DOCK7: variants seen among roughly 807,000 people sequenced by gnomAD.
DOCK7 encodes dedicator of cytokinesis 7, also known as dedicator of cytokinesis protein 7.
A neutral mutation model predicts 271.0 loss-of-function variants in DOCK7; 138 were observed. That is an observed-to-expected ratio of 0.51 (90% CI 0.44 to 0.59). The LOEUF (loss-of-function observed/expected upper bound fraction) is 0.59. Ranked by LOEUF, DOCK7 falls within the 20% of genes least tolerant of loss-of-function variation. The pLI, the probability that DOCK7 is intolerant of heterozygous loss-of-function variation, is 0.00. For missense variants in DOCK7, 2,066 were observed against 2,592.4 expected, an observed-to-expected ratio of 0.80 and a Z score of 4.41; for synonymous variants, 823 against 876.1, an observed-to-expected ratio of 0.94 and a Z score of 1.07.
chr1:62,604,668 A>C (rs1354100717), intron 14 of DOCK7: 6 of 1,613,182 alleles, frequency 3.7e-6, no homozygotes, highest in Non-Finnish European at 5.1e-6. Flanking sequence ...TGGAGAAAAC[A>C]ACCTAAATGG....
At chr1:62,567,038 CAGAA>C (rs936388391) in intron 18 of DOCK7, among the ~76,000 whole-genome samples, 5 of 152,234 alleles carry the variant, frequency 3.3e-5, no homozygotes, top group South Asian at 2.1e-4. Flanking sequence ...ATTAAAAAGT[CAGAA>C]AGCAACAGAT....
rs757080929 is a variant in DOCK7 at position 62,619,913 on chromosome 1, T to C, written c.1506A>G (p.Leu502=). ...MRRPSSVLRR[L]RPITAQLKID... is the part of the protein sequence containing the mutation. ...ATTTTTAAATACCTGTAATAGGTCT[T>C]AGTCGCCGTAAGACAGAAGATGGCC... The change falls in exon 13 of 50, where the codon CTA becomes CTG. Residue 502 remains leucine (L), a synonymous_variant. Coordinates refer to ENST00000635253, the MANE Select transcript of DOCK7 (RefSeq NM_001367561.1). 3.7e-6 allele frequency: 6 copies of C among 1,612,624 alleles called. No homozygotes were observed. The highest frequency in any genetic ancestry group is 4.2e-6 in the Non-Finnish European group (5 of 1,179,084).
chr1:62,470,861 C>CAA (rs752473007), intron 48 of DOCK7, among the ~76,000 whole-genome samples: 1 of 149,636 alleles, frequency 6.7e-6, no homozygotes, highest in South Asian at 2.1e-4. Flanking sequence ...CTATGGAAAT[C>CAA]AAAAAAAAAA....
In DOCK7 at chr1:62,551,054, A is replaced by T. The variant is rs116820250; in HGVS notation, c.2766+1678T>A. ...ATAATTATAATGATTGCCCACAGAC[A>T]TTAAGCTGGCTAAGGAAGAAGAGAG... On this transcript the variant is annotated intron_variant, in intron 22 of 49. Coordinates refer to ENST00000635253, the MANE Select transcript of DOCK7 (RefSeq NM_001367561.1). Among the ~76,000 whole-genome samples, 420 of 152,296 alleles carry T rather than the reference A, an allele frequency of 2.8e-3. 3 individuals are homozygous for T. The highest frequency in any genetic ancestry group is 9.8e-3 in the African/African-American group (407 of 41,556).
rs1458250646 is a variant in DOCK7 at position 62,653,992 on chromosome 1, A to G, written c.312T>C (p.Pro104=). Residue 104 remains proline (P), a synonymous_variant, in exon 3 of 50, where the codon CCT becomes CCC. Transcript: ENST00000635253. ...AGTCAATGTCTCCTTACCTTTCTTCAGGTACAGCTGAAACAAGAGTTCTGC... is the reference window on the plus strand; with the variant it reads ...AGTCAATGTCTCCTTACCTTTCTTCGGGTACAGCTGAAACAAGAGTTCTGC... ...RDCRTLVSAV[P]EESEMDPHVR... is the part of the protein sequence containing the mutation. 5 of 1,612,440 alleles carry G rather than the reference A, an allele frequency of 3.1e-6. No individual in the cohort carries two copies. The highest frequency in any genetic ancestry group is 1.3e-5 in the African/African-American group (1 of 74,802).
chr1:62,529,561 C>T (rs969459292), intron 29 of DOCK7, 115 bp from the exon 30 acceptor site: 4 of 700,542 alleles, frequency 5.7e-6, no homozygotes, highest in South Asian at 4.4e-5. Flanking sequence ...CAATTTCTTA[C>T]CTTTGTCATA....
intron 18 of DOCK7, among the ~76,000 whole-genome samples, chr1:62,569,627 A>T (rs1328871894): frequency 6.6e-6 from 1 of 152,116 alleles, no homozygotes; most frequent in Non-Finnish European, 1.5e-5. Context: ...CACAGCCAAT[A>T]TCATACTGAA....
chr1:62,634,811 T>C lies in DOCK7; in HGVS notation c.997A>G (p.Ile333Val), dbSNP rs777954655. The C allele has an allele frequency of 8.7e-6, 14 of 1,613,230 alleles. No individual in the cohort carries two copies. Among genetic ancestry groups the C allele is most frequent in the South Asian group, 1.1e-5 (1 of 91,010 alleles). ...TTLARSAIFSITYPSQDVFLV... is the reference protein window; with the variant it reads ...TTLARSAIFSVTYPSQDVFLV... ...AAAACATCTTGGGAAGGATAAGTGA[T>C]AGAAAAAATTGCTGATCTTGCCAGG... Residue 333 changes from isoleucine (I) to valine (V), a missense_variant, in exon 9 of 50, where the codon ATC becomes GTC. By Grantham distance (29) the Ile-to-Val change is conservative. Transcript: ENST00000635253.
chr1:62,674,992 C>T (rs1457396397), intron 1 of DOCK7, among the ~76,000 whole-genome samples: 1 of 152,028 alleles, frequency 6.6e-6, no homozygotes, highest in East Asian at 1.9e-4. Flanking sequence ...TCAAACATCA[C>T]CTAAAAAATG....
chr1:62,674,762 T>A (rs1173696990), intron 1 of DOCK7, among the ~76,000 whole-genome samples: 1 of 152,152 alleles, frequency 6.6e-6, no homozygotes, highest in Non-Finnish European at 1.5e-5. Context: ...ACACTAAAGA[T>A]AAATTTAGAC....
chr1:62,601,754 T>C (rs1199291612), intron 14 of DOCK7: 3 of 1,526,756 alleles, frequency 2.0e-6, no homozygotes, highest in African/African-American at 2.7e-5. Flanking sequence ...TGTAATAACA[T>C]TTTATTGATT....
At chr1:62,591,993 T>G (rs1196514754) in intron 14 of DOCK7, among the ~76,000 whole-genome samples, 1 of 152,138 alleles carries the variant, frequency 6.6e-6, no homozygotes, top group Non-Finnish European at 1.5e-5. Flanking sequence ...ATTAGAAAAT[T>G]TAGTTACTTA....
chr1:62,496,889 T>G (rs1261435692), intron 37 of DOCK7, among the ~76,000 whole-genome samples: 2 of 152,174 alleles, frequency 1.3e-5, no homozygotes, highest in African/African-American at 4.8e-5. Context: ...ATGACATCCA[T>G]ACTATGATGA....
intron 1 of DOCK7, chr1:62,687,806 C>T (rs1299763574): frequency 1.3e-5 from 2 of 154,140 alleles, no homozygotes; most frequent in Non-Finnish European, 2.9e-5. Context: ...CCTCTAGGGG[C>T]CAAGAGGGGT....
intron 38 of DOCK7, 95 bp downstream of exon 38, chr1:62,496,244 C>G (rs1646618308): frequency 7.2e-7 from 1 of 1,379,660 alleles, no homozygotes; most frequent in African/African-American, 1.5e-5. Flanking sequence ...AATAAATGAT[C>G]CTCCAGCAAA....
At chr1:62,651,009 G>A (rs578030862) in intron 4 of DOCK7, among the ~76,000 whole-genome samples, 12 of 152,066 alleles carry the variant, frequency 7.9e-5, no homozygotes, top group African/African-American at 1.4e-4. Flanking sequence ...TGTTTACTGC[G>A]GTGCTATTCA....
rs151075830 is a variant in DOCK7, at chr1:62,618,616, A to C, written c.1682+90T>G. 1,044 of 1,200,928 alleles carry C rather than the reference A, an allele frequency of 8.7e-4. 8 individuals carry two copies. The African/African-American group carries it at 0.013, about 15-fold the overall frequency. The allele number at this position is 1,200,928 out of a possible 1,614,324, so 74.4% of individuals were successfully genotyped here. On this transcript the variant is annotated intron_variant, in intron 14 of 49. Coordinates refer to ENST00000635253, the MANE Select transcript of DOCK7 (RefSeq NM_001367561.1). ...TAGAGTTAAGTAACAAAACTACTTA[A>C]GATTTTTGGAGAGTTTATTCTAGTT...
chr1:62,529,841 A>G (rs558964843), intron 29 of DOCK7, among the ~76,000 whole-genome samples: 1 of 152,350 alleles, frequency 6.6e-6, no homozygotes, highest in African/African-American at 2.4e-5. Context: ...TTTCACATTT[A>G]CCAAAAATAA....
intron 7 of DOCK7, among the ~76,000 whole-genome samples, chr1:62,639,325 C>T (rs911336035): frequency 4.0e-5 from 6 of 150,382 alleles, no homozygotes; most frequent in Non-Finnish European, 8.9e-5. Context: ...GCCAGGAGTT[C>T]AAGACCAGCC....
Sources: allele counts gnomAD v4.1 joint callset (sites outside exome capture counted in the v4.1 genomes callset), GRCh38; gene constraint gnomAD v4.1.1; transcripts MANE v1.5; gene names NCBI Gene and HGNC (gene_info 2026-07-23, HGNC 2026-07-21).